ERI1: variants seen among roughly 807,000 people sequenced by gnomAD.
ERI1 encodes the protein 3'-5' exoribonuclease 1.
A neutral mutation model predicts 39.7 loss-of-function variants in ERI1; 39 were observed. The observed-to-expected ratio is 0.98, with a 90% confidence interval of 0.76 to 1.28. ERI1 has a LOEUF of 1.28. Among genes scored for constraint, ERI1 ranks in the 50% most tolerant of loss-of-function variants. ERI1 has a pLI of 0.00. For synonymous variants in ERI1, 204 were observed against 149.6 expected (o/e 1.36, Z -2.65); for missense variants, 581 against 416.9 (o/e 1.39, Z -3.43).
At chr8:9,058,135 A>G (rs1798570653) in intron 3 of ERI1, among the ~76,000 whole-genome samples, 6 of 152,212 alleles carry the variant, frequency 3.9e-5, no homozygotes. Context: ...GGTCAAAGGC[A>G]GGAGCTGGAG....
intron 3 of ERI1, among the ~76,000 whole-genome samples, chr8:9,089,312 C>T (rs994571926): frequency 3.9e-5 from 6 of 151,958 alleles, no homozygotes; most frequent in African/African-American, 1.2e-4. Flanking sequence ...GCTGTGTTGC[C>T]CAGGCTGGTC....
At chr8:9,015,812 C>G (rs1280162822) in intron 3 of ERI1, among the ~76,000 whole-genome samples, 1 of 149,020 alleles carries the variant, frequency 6.7e-6, no homozygotes, top group Non-Finnish European at 1.5e-5. Context: ...AACTCTTAAA[C>G]TACCTATATA....
chr8:9,011,402 C>A (rs747338115), intron 2 of ERI1, 140 bp from the exon 3 acceptor site: 35 of 494,828 alleles, frequency 7.1e-5, no homozygotes, highest in African/African-American at 5.4e-4. Context: ...TTGAGTCTTG[C>A]TTTTCTTACA....
At chr8:9,051,251 G>T (rs1798346278) in intron 3 of ERI1, among the ~76,000 whole-genome samples, 1 of 151,986 alleles carries the variant, frequency 6.6e-6, no homozygotes, top group African/African-American at 2.4e-5. Context: ...ACTGCATCTG[G>T]TGAGGGCCTT....
intron 2 of ERI1, among the ~76,000 whole-genome samples, chr8:9,010,691 A>G (rs1475877273): frequency 6.6e-6 from 1 of 152,134 alleles, no homozygotes; most frequent in East Asian, 1.9e-4. Flanking sequence ...TATAGGATTC[A>G]TTTATATAAC....
At chr8:9,084,564 G>T (rs1204575607) in intron 3 of ERI1, among the ~76,000 whole-genome samples, 1 of 152,164 alleles carries the variant, frequency 6.6e-6, no homozygotes, top group African/African-American at 2.4e-5. Flanking sequence ...TGGAAAGTCA[G>T]ACCTTCTTGC....
At chr8:9,078,068 C>G (rs909660691) in intron 3 of ERI1, among the ~76,000 whole-genome samples, 1 of 152,190 alleles carries the variant, frequency 6.6e-6, no homozygotes, top group Non-Finnish European at 1.5e-5. Context: ...CGGCTCACTG[C>G]AACCTCCACC....
chr8:9,080,636 C>A (rs1269488175), intron 3 of ERI1, among the ~76,000 whole-genome samples: 1 of 152,204 alleles, frequency 6.6e-6, no homozygotes, highest in Non-Finnish European at 1.5e-5. Flanking sequence ...TTGCCTTATT[C>A]CCCATTGTCT....
intron 3 of ERI1, among the ~76,000 whole-genome samples, chr8:9,068,423 A>G (rs1053060432): frequency 6.6e-6 from 1 of 152,110 alleles, no homozygotes; most frequent in African/African-American, 2.4e-5. Flanking sequence ...TGCAGGCCAG[A>G]ACCTCTGGGC....
chr8:9,025,477 C>G (rs956645722), intron 6 of ERI1, among the ~76,000 whole-genome samples: 1 of 152,240 alleles, frequency 6.6e-6, no homozygotes, highest in Non-Finnish European at 1.5e-5. Flanking sequence ...TCCAACTGCT[C>G]AGCAAAATCT....
intron 4 of ERI1, among the ~76,000 whole-genome samples, chr8:9,017,211 TTTTTTA>T (rs1395289078): frequency 6.6e-6 from 1 of 152,082 alleles, no homozygotes; most frequent in East Asian, 1.9e-4. Flanking sequence ...GGCTAATTTT[TTTTTTA>T]TTTTTAGTAG....
chr8:9,063,640 C>A (rs910567308), intron 3 of ERI1, among the ~76,000 whole-genome samples: 2 of 152,050 alleles, frequency 1.3e-5, no homozygotes, highest in African/African-American at 2.4e-5. Context: ...GGATGAGTTG[C>A]ATGGGGAACA....
At chr8:9,055,466 C>A (rs1432945878) in intron 3 of ERI1, among the ~76,000 whole-genome samples, 5 of 152,254 alleles carry the variant, frequency 3.3e-5, no homozygotes, top group African/African-American at 1.2e-4. Context: ...TCGTTTGCAG[C>A]ATTTCTTCTT....
intron 3 of ERI1, among the ~76,000 whole-genome samples, chr8:9,050,716 A>G (rs1798330428): frequency 6.6e-6 from 1 of 152,186 alleles, no homozygotes; most frequent in Non-Finnish European, 1.5e-5. Context: ...TACGGAAGGA[A>G]TGGAGAAGCC....
intron 1 of ERI1, among the ~76,000 whole-genome samples, chr8:9,006,277 G>T (rs565534296): frequency 2.6e-5 from 4 of 152,272 alleles, no homozygotes; most frequent in Admixed American, 6.5e-5. Flanking sequence ...CTTCACTGAA[G>T]GAAGAGAACT....
Position 9,033,292 on chromosome 8 carries a change from C to G in ERI1, c.*3258C>G, listed in dbSNP as rs6748. The G allele has an allele frequency of 1.3e-5, 2 of 151,952 alleles. No individual in the cohort carries two copies. The highest frequency in any genetic ancestry group is 2.9e-5 in the Non-Finnish European group (2 of 68,006). 9.4% of individuals were successfully genotyped at this position (151,952 alleles called of 1,614,324 possible). A position where few individuals can be genotyped will look rare whatever the true frequency, so the allele number is the denominator to read the frequency against. On this transcript the variant is annotated 3_prime_UTR_variant, in exon 7 of 7. Transcript: ENST00000250263. ...GCTCAAAATAATATTTTGTATAATACGAAAATTACGAAATTTTAGTTTCTC... is the reference window on the plus strand; with the variant it reads ...GCTCAAAATAATATTTTGTATAATAGGAAAATTACGAAATTTTAGTTTCTC...
chr8:9,095,608 C>T (rs1311974073), intron 3 of ERI1, among the ~76,000 whole-genome samples: 1 of 151,970 alleles, frequency 6.6e-6, no homozygotes, highest in Admixed American at 6.6e-5. Flanking sequence ...TGGGCTCAAG[C>T]CTCCCTGCTT....
chr8:9,053,725 A>G (rs1167057136), intron 3 of ERI1, among the ~76,000 whole-genome samples: 1 of 152,170 alleles, frequency 6.6e-6, no homozygotes, highest in African/African-American at 2.4e-5. Context: ...GTGTGATATG[A>G]CAGTAACTCC....
chr8:9,094,123 G>C (rs927573757), intron 3 of ERI1, among the ~76,000 whole-genome samples: 1 of 152,176 alleles, frequency 6.6e-6, no homozygotes, highest in African/African-American at 2.4e-5. Flanking sequence ...TAAAAGCTTT[G>C]CTGGAGAATA....
Sources: gnomAD v4.1 joint callset for allele counts (sites outside exome capture counted in the v4.1 genomes callset) on GRCh38, gnomAD v4.1.1 for gene constraint, MANE v1.5 for transcripts, NCBI Gene and HGNC (gene_info 2026-07-23, HGNC 2026-07-21) for gene names.